Variants in TBX3 observed in about 807,000 individuals in gnomAD.
TBX3 encodes T-box transcription factor TBX3.
TBX3 carries 11 observed loss-of-function variants against 47.8 expected under a neutral mutation model. That is an observed-to-expected ratio of 0.23 (90% CI 0.14 to 0.38). The LOEUF (loss-of-function observed/expected upper bound fraction) is 0.38, where lower values mean the gene tolerates loss of function less well. Ranked by LOEUF, TBX3 falls within the 10% of genes least tolerant of loss-of-function variation. TBX3 has a pLI of 1.00. For synonymous variants in TBX3, 500 were observed against 449.3 expected, an observed-to-expected ratio of 1.11 and a Z score of -1.43; for missense variants, 927 against 1,022.8, an observed-to-expected ratio of 0.91 and a Z score of 1.28.
rs1566646 is a variant in TBX3 at position 114,679,224 on chromosome 12, G to T, written c.804+281C>A. Among the ~76,000 whole-genome samples, 33,229 of 151,916 alleles carry T rather than the reference G, an allele frequency of 0.22. 4,653 individuals are homozygous for T. The highest frequency in any genetic ancestry group is 0.45 in the East Asian group (2,298 of 5,118). ...AAACAGACAGGACAAAGCCCAAGAG[G>T]GGGGGAGGAGTGGGTGGCATCAATG... On this transcript the variant is annotated intron_variant, in intron 3 of 6. Transcript: ENST00000349155.
chr12:114,674,703 G>T lies in TBX3; in HGVS notation c.1172C>A (p.Ala391Glu), dbSNP rs755311630. 6.2e-7 allele frequency: 1 copy of T among 1,605,192 alleles called. No individual in the cohort carries two copies. Among genetic ancestry groups the T allele is most frequent in the Non-Finnish European group, 8.5e-7 (1 of 1,178,562 alleles). The change falls in exon 6 of 7, where the codon GCG (alanine) becomes GAG (glutamate). Residue 391 changes from alanine to glutamate, a missense_variant. By Grantham distance (107) the Ala-to-Glu change is moderately radical. This residue lies in a region of TBX3 where 623 missense variants were observed against 569.0 expected (regional missense o/e 1.09). Transcript: ENST00000349155. ...EEPCRDKGSP[A>E]VKAHLFAAER... ...AGCAGCGAAAAGGTGAGCCTTGACC[G>T]CGGGGCTGCCCTTGTCACGGCAGGG...
chr12:114,677,778 G>T, intron 3 of TBX3, 122 bp from the exon 4 acceptor site: 2 of 877,096 alleles, frequency 2.3e-6, no homozygotes, highest in Non-Finnish European at 3.7e-6. Context: ...ATATAGATAT[G>T]CCAGGGAAAG....
Position 114,671,154 on chromosome 12 carries a change from T to C in TBX3, c.*687A>G, listed in dbSNP as rs1330429411. ...TTGGGAAAAGGGTAGGGGGCTATATTGTTTTCTCTCTAAAAGCAAGCGTTC... is the reference window on the plus strand; with the variant it reads ...TTGGGAAAAGGGTAGGGGGCTATATCGTTTTCTCTCTAAAAGCAAGCGTTC... On this transcript the variant is annotated 3_prime_UTR_variant, in exon 7 of 7. Coordinates refer to ENST00000349155, the MANE Select transcript of TBX3 (RefSeq NM_005996.4). 2 of 214,664 alleles carry C rather than the reference T, an allele frequency of 9.3e-6. No homozygotes were observed. The highest frequency in any genetic ancestry group is 5.8e-5 in the Admixed American group (1 of 17,112). 13.3% of individuals were successfully genotyped at this position (214,664 alleles called of 1,614,324 possible).
In TBX3 at chr12:114,671,791, G is replaced by C. The variant is rs1225232616; in HGVS notation, c.*50C>G. On this transcript the variant is annotated 3_prime_UTR_variant, in exon 7 of 7. Transcript: ENST00000349155. ...TGGTTTATTTTATATCCGACAAAGTGCACGGCAGCCTGAACTGGACTGGAA... is the reference window on the plus strand; with the variant it reads ...TGGTTTATTTTATATCCGACAAAGTCCACGGCAGCCTGAACTGGACTGGAA... The C allele has an allele frequency of 6.5e-7, 1 of 1,543,836 alleles. No individual in the cohort carries two copies. The highest frequency in any genetic ancestry group is 2.0e-5 in the Admixed American group (1 of 51,012).
rs769065791 is a variant in TBX3, at chr12:114,683,061, G to C, written c.140C>G (p.Pro47Arg). The C allele has an allele frequency of 6.2e-7, 1 of 1,609,824 alleles. No individual in the cohort carries two copies. Among genetic ancestry groups the C allele is most frequent in the South Asian group, 1.1e-5 (1 of 90,970 alleles). ...CGAGAGCGCCGCCGCGCCGTTGGGA[G>C]GCAGCGTCAGCGCGGGGAAGAACGG... ...QPPFFPALTL[P>R]PNGAAALSLP... The change falls in exon 1 of 7, where the codon CCT (proline) becomes CGT (arginine). Residue 47 changes from proline to arginine, a missense_variant. Physicochemically the swap from Pro to Arg is moderately radical, Grantham distance 103. This residue lies in a region of TBX3 where 216 missense variants were observed against 281.2 expected (regional missense o/e 0.77). Coordinates refer to ENST00000349155, the MANE Select transcript of TBX3 (RefSeq NM_005996.4). This position sits in a 1 kb window ranked among gnomAD's most constrained non-coding sequence, Gnocchi z 7.7.
intron 1 of TBX3, 42 bp downstream of exon 1, chr12:114,682,770 A>C (rs1254731204): frequency 6.2e-7 from 1 of 1,613,900 alleles, no homozygotes; most frequent in Admixed American, 1.7e-5. Context: ...AGGGAGGAAA[A>C]AACTCTCCAA....
At position 114,674,295 on chromosome 12, in the gene TBX3, G is replaced by C. The variant is rs2121382412; in HGVS notation, c.1580C>G (p.Ser527Cys). Residue 527 changes from serine to cysteine, a missense_variant, in exon 6 of 7, where the codon TCT becomes TGT. Around this residue, in one of 5 missense-constraint regions of TBX3, gnomAD observed 623 missense variants for 569.0 expected, o/e 1.09. Transcript: ENST00000349155. ...GCCCGAGACACCGGTGGAGGCCCCA[G>C]AAACCGTGGCCAGGAGGGGACCCAT... ...AGMGPLLATVSGASTGVSGLD... is the reference protein window; with the variant it reads ...AGMGPLLATVCGASTGVSGLD... 6.3e-7 allele frequency: 1 copy of C among 1,580,434 alleles called. No homozygotes were observed. Among genetic ancestry groups the C allele is most frequent in the Non-Finnish European group, 8.6e-7 (1 of 1,163,536 alleles).
At position 114,674,372 on chromosome 12, in the gene TBX3, G is replaced by T; in HGVS notation, c.1503C>A (p.His501Gln). ...CGCCCCCCATGGCAAACTGGCTGGG[G>T]TGCAGGAAGAGCGGGTGCCCGTTGA... is the stretch of plus-strand genomic sequence containing the variant. ...QFFNGHPLFL[H>Q]PSQFAMGGAF... Residue 501 changes from histidine to glutamine, a missense_variant, in exon 6 of 7, where the codon CAC (histidine) becomes CAA (glutamine). His to Gln is a conservative substitution (Grantham distance 24). Coordinates refer to ENST00000349155, the MANE Select transcript of TBX3 (RefSeq NM_005996.4). 1 of 1,554,642 alleles carries T rather than the reference G, an allele frequency of 6.4e-7. No individual in the cohort carries two copies. The highest frequency in any genetic ancestry group is 8.7e-7 in the Non-Finnish European group (1 of 1,149,390).
At position 114,683,058 on chromosome 12, in the gene TBX3, G is replaced by A; in HGVS notation, c.143C>T (p.Pro48Leu). The A allele has an allele frequency of 6.2e-7, 1 of 1,609,554 alleles. No homozygotes were observed. The highest frequency in any genetic ancestry group is 1.1e-5 in the South Asian group (1 of 90,962). The change falls in exon 1 of 7, where the codon CCC (proline) becomes CTC (leucine). Residue 48 changes from proline to leucine, a missense_variant. By Grantham distance (98) the Pro-to-Leu change is moderately conservative. Around this residue, in one of 5 missense-constraint regions of TBX3, gnomAD observed 216 missense variants for 281.2 expected, o/e 0.77. Transcript: ENST00000349155. The surrounding 1 kb of genome is among the most constrained non-coding windows in gnomAD (Gnocchi z 7.7). ...PPFFPALTLP[P>L]NGAAALSLPG... ...CAGCGAGAGCGCCGCCGCGCCGTTG[G>A]GAGGCAGCGTCAGCGCGGGGAAGAA... is the stretch of plus-strand genomic sequence containing the variant.
In TBX3 at chr12:114,672,356, T is replaced by A. The variant is rs892290166; in HGVS notation, c.1711-54A>T. On this transcript the variant is annotated intron_variant, in intron 6 of 6. Coordinates refer to ENST00000349155, the MANE Select transcript of TBX3 (RefSeq NM_005996.4). ...GTCAGCCGGGTGGGAGGAGCTTATC[T>A]CATCCCTCTCCTCTCTTCTCCCCCT... The A allele has an allele frequency of 7.8e-6, 11 of 1,406,512 alleles. No homozygotes were observed. In the African/African-American group the frequency reaches 1.3e-4, roughly 17 times the overall value. 87.1% of individuals were successfully genotyped at this position (1,406,512 alleles called of 1,614,324 possible).
At chr12:114,680,766 T>C in intron 2 of TBX3, 113 bp downstream of exon 2, 1 of 1,470,440 alleles carries the variant, frequency 6.8e-7, no homozygotes, top group Non-Finnish European at 9.5e-7. Flanking sequence ...AAGTTTGCTA[T>C]GCTTAGGGAG....
Position 114,683,992 on chromosome 12 carries a change from T to C in TBX3, c.-792A>G, listed in dbSNP as rs562776933. ...GTCCTAAAACGTGAGCGAATTCGCT[T>C]CCTAAATCTGTGTCCAGGCGCGCAG... On this transcript the variant is annotated 5_prime_UTR_variant, in exon 1 of 7. Coordinates refer to ENST00000349155, the MANE Select transcript of TBX3 (RefSeq NM_005996.4). The surrounding 1 kb of genome is among the most constrained non-coding windows in gnomAD (Gnocchi z 7.7). 1 of 229,840 alleles carries C rather than the reference T, an allele frequency of 4.4e-6. No homozygotes were observed. The highest frequency in any genetic ancestry group is 6.2e-5 in the East Asian group (1 of 16,204). 14.2% of individuals were successfully genotyped at this position (229,840 alleles called of 1,614,324 possible).
chr12:114,670,903 A>C lies in TBX3; in HGVS notation c.*938T>G, dbSNP rs1328523569. On this transcript the variant is annotated 3_prime_UTR_variant, in exon 7 of 7. Transcript: ENST00000349155. ...CCAAGCATTCATATTCCACCTATTT[A>C]CAAGAGTTATCAAATAATTACATAA... 2 of 214,378 alleles carry C rather than the reference A, an allele frequency of 9.3e-6. No homozygotes were observed. Among genetic ancestry groups the C allele is most frequent in the African/African-American group, 4.5e-5 (2 of 44,436 alleles). The allele number at this position is 214,378 out of a possible 1,614,324, so 13.3% of individuals were successfully genotyped here. A position where few individuals can be genotyped will look rare whatever the true frequency, so the allele number is the denominator to read the frequency against.
In TBX3 at chr12:114,672,040, G is replaced by A. The variant is rs1490395317; in HGVS notation, c.1973C>T (p.Ala658Val). Residue 658 changes from alanine to valine, a missense_variant, in exon 7 of 7, where the codon GCC becomes GTC. Ala to Val is a moderately conservative substitution (Grantham distance 64, BLOSUM62 0). Transcript: ENST00000349155. ...GPLDGKVAAL[A>V]ASPASVAVDS... ...CACTGCCACCGAGGCCGGGCTGGCG[G>A]CCAGGGCGGCGACTTTGCCGTCCAG... 1 of 1,580,722 alleles carries A rather than the reference G, an allele frequency of 6.3e-7. No homozygotes were observed. The highest frequency in any genetic ancestry group is 8.6e-7 in the Non-Finnish European group (1 of 1,163,954).
intron 5 of TBX3, among the ~76,000 whole-genome samples, chr12:114,675,906 T>G (rs959378819): frequency 2.6e-5 from 4 of 152,054 alleles, no homozygotes; most frequent in African/African-American, 4.8e-5. Flanking sequence ...TCCAACACAT[T>G]GTAACCTAGA....
rs776631152 is a variant in TBX3, at chr12:114,683,222, G to C, written c.-22C>G. The C allele has an allele frequency of 1.2e-5, 20 of 1,606,754 alleles. 1 individual carries two copies. Among genetic ancestry groups the C allele is most frequent in the Middle Eastern group, 2.0e-4 (1 of 5,014 alleles). On this transcript the variant is annotated 5_prime_UTR_variant, in exon 1 of 7. Coordinates refer to ENST00000349155, the MANE Select transcript of TBX3 (RefSeq NM_005996.4). The surrounding 1 kb of genome is among the most constrained non-coding windows in gnomAD (Gnocchi z 7.7). ...TCATCCACTCCAGGCGGGGCGCTGG[G>C]CTCCAGCCGGGGACAAGTCCGCAGC...
In TBX3 at chr12:114,671,068, T is replaced by C; in HGVS notation, c.*773A>G. ...ATATAATAAATTCATTTTATGTGTT[T>C]TGCCCACTCCTTCCCTTTAAATCCC... On this transcript the variant is annotated 3_prime_UTR_variant, in exon 7 of 7. Coordinates refer to ENST00000349155, the MANE Select transcript of TBX3 (RefSeq NM_005996.4). 4.8e-6 allele frequency: 1 copy of C among 207,444 alleles called. No homozygotes were observed. The highest frequency in any genetic ancestry group is 9.8e-6 in the Non-Finnish European group (1 of 101,744). The allele number at this position is 207,444 out of a possible 1,614,324, so 12.9% of individuals were successfully genotyped here.
chr12:114,680,977 G>A lies in TBX3; in HGVS notation c.559C>T (p.His187Tyr). 6.2e-7 allele frequency: 1 copy of A among 1,614,146 alleles called. No homozygotes were observed. The change falls in exon 2 of 7, where the codon CAC (histidine) becomes TAC (tyrosine). Residue 187 changes from histidine (H) to tyrosine (Y), a missense_variant. Physicochemically the swap from His to Tyr is moderately conservative, Grantham distance 83. This residue lies in a region of TBX3 where 216 missense variants were observed against 281.2 expected (regional missense o/e 0.77). Transcript: ENST00000349155. ...DPEMPKRMYI[H>Y]PDSPATGEQW... is the part of the protein sequence containing the mutation. ...TCCCCAGTAGCGGGGCTGTCCGGGT[G>A]AATGTACATCCTCTTTGGCATTTCG...
chr12:114,683,446 A>G lies in TBX3; in HGVS notation c.-246T>C, dbSNP rs1361584265. 1.1e-5 allele frequency: 6 copies of G among 548,968 alleles called. No homozygotes were observed. The East Asian group carries it at 1.2e-4, about 11-fold the overall frequency. 34.0% of individuals were successfully genotyped at this position (548,968 alleles called of 1,614,324 possible). On this transcript the variant is annotated 5_prime_UTR_variant, in exon 1 of 7. It removes an upstream start codon present in the reference 5' UTR. Coordinates refer to ENST00000349155, the MANE Select transcript of TBX3 (RefSeq NM_005996.4). The surrounding 1 kb of genome is among the most constrained non-coding windows in gnomAD (Gnocchi z 7.7). ...AGGGCAAGGCGAAAAATCAGCAAAC[A>G]TAGTCGCGCGGGTGACCGTCCTTGT...
Sources: allele counts gnomAD v4.1 joint callset (sites outside exome capture counted in the v4.1 genomes callset), GRCh38; gene constraint gnomAD v4.1.1; regional missense constraint gnomAD v4.1.1; non-coding constraint Gnocchi (gnomAD v3.1); transcripts MANE v1.5; gene names NCBI Gene and HGNC (gene_info 2026-07-23, HGNC 2026-07-21).